The following SPOCK3 variants were observed in gnomAD, a reference collection of about 807,000 sequenced individuals.
SPOCK3 encodes testican-3.
SPOCK3 carries 30 observed loss-of-function variants against 56.6 expected under a neutral mutation model. The ratio of observed to expected loss-of-function variants is 0.53; its 90% CI spans 0.40 to 0.72. SPOCK3 has a LOEUF of 0.72. SPOCK3 is among the 30% of genes least tolerant of loss of function. SPOCK3 has a pLI of 0.00. For synonymous variants in SPOCK3, 196 were observed against 183.3 expected, an observed-to-expected ratio of 1.07 and a Z score of -0.56; for missense variants, 527 against 530.0, an observed-to-expected ratio of 0.99 and a Z score of 0.06.
intron 2 of SPOCK3, among the ~76,000 whole-genome samples, chr4:167,072,009 A>G (rs1299514581): frequency 6.6e-6 from 1 of 152,092 alleles, no homozygotes; most frequent in Non-Finnish European, 1.5e-5. Flanking sequence ...ATGTAAAAAC[A>G]TTTAATAAAA....
At chr4:167,110,570 G>A (rs1760815551) in intron 2 of SPOCK3, among the ~76,000 whole-genome samples, 1 of 151,948 alleles carries the variant, frequency 6.6e-6, no homozygotes, top group African/African-American at 2.4e-5. Context: ...ACAAAAAGGT[G>A]ATAGGGAAGA....
intron 6 of SPOCK3, among the ~76,000 whole-genome samples, chr4:166,846,185 G>A (rs1442822585): frequency 6.6e-6 from 1 of 151,980 alleles, no homozygotes; most frequent in Admixed American, 6.6e-5. Flanking sequence ...GTTGTTATGT[G>A]GTACCTGACT....
Position 166,750,773 on chromosome 4 carries a change from A to G in SPOCK3, c.931+3735T>C, listed in dbSNP as rs182037746. On this transcript the variant is annotated intron_variant, in intron 8 of 10. Coordinates refer to ENST00000357545, the MANE Select transcript of SPOCK3 (RefSeq NM_001040159.2). ...TGGGATAAATAAATTTAAAATACGT[A>G]TATGTTTCCAACAGTTACTACAATA... Among the ~76,000 whole-genome samples, 42 of 152,328 alleles carry G rather than the reference A, an allele frequency of 2.8e-4. No individual in the cohort carries two copies. In the East Asian group the frequency reaches 7.1e-3, roughly 26 times the overall value.
chr4:167,052,076 A>G (rs1270401482), intron 3 of SPOCK3, among the ~76,000 whole-genome samples: 2 of 152,224 alleles, frequency 1.3e-5, no homozygotes, highest in Non-Finnish European at 2.9e-5. Context: ...AATTAAAAAC[A>G]CAGACCTTTA....
intron 4 of SPOCK3, among the ~76,000 whole-genome samples, chr4:166,987,320 CAAGT>C (rs1431671737): frequency 6.6e-6 from 1 of 152,140 alleles, no homozygotes; most frequent in Non-Finnish European, 1.5e-5. Context: ...TCTTTTCACT[CAAGT>C]AATTCTTCAA....
chr4:166,970,325 G>T (rs372540004), intron 4 of SPOCK3, among the ~76,000 whole-genome samples: 2 of 152,222 alleles, frequency 1.3e-5, no homozygotes, highest in South Asian at 2.1e-4. Flanking sequence ...CTTTATTATG[G>T]AATGGCTACA....
At position 167,114,826 on chromosome 4, in the gene SPOCK3, A is replaced by G. The variant is rs1372123296; in HGVS notation, c.190-52289T>C. On this transcript the variant is annotated intron_variant, in intron 2 of 10. Coordinates refer to ENST00000357545, the MANE Select transcript of SPOCK3 (RefSeq NM_001040159.2). ...TATGTTTCCACGTTAACCATGTGCTAAAGATAGTGTCTCATTCAGAGTTGC... is the reference window on the plus strand; with the variant it reads ...TATGTTTCCACGTTAACCATGTGCTGAAGATAGTGTCTCATTCAGAGTTGC... Among the ~76,000 whole-genome samples, 4 of 152,208 alleles carry G rather than the reference A, an allele frequency of 2.6e-5. No individual in the cohort carries two copies. In the East Asian group the frequency reaches 7.7e-4, roughly 29 times the overall value.
At chr4:166,823,024 A>G (rs62353201) in intron 6 of SPOCK3, among the ~76,000 whole-genome samples, 1 of 152,050 alleles carries the variant, frequency 6.6e-6, no homozygotes, top group Non-Finnish European at 1.5e-5. Context: ...ATGTGACTGG[A>G]GTTGATATTC....
At chr4:166,972,106 T>A (rs545505573) in intron 4 of SPOCK3, among the ~76,000 whole-genome samples, 42 of 152,126 alleles carry the variant, frequency 2.8e-4, no homozygotes, top group Non-Finnish European at 3.1e-4. Flanking sequence ...TACTATAAAT[T>A]CAGCCTCTGT....
intron 2 of SPOCK3, among the ~76,000 whole-genome samples, chr4:167,100,091 TA>T (rs1158536222): frequency 3.3e-5 from 5 of 152,128 alleles, no homozygotes; most frequent in Non-Finnish European, 7.4e-5. Flanking sequence ...CTATCCTTTT[TA>T]AAAGTAATGA....
chr4:166,855,510 G>A (rs1461369235), intron 6 of SPOCK3, among the ~76,000 whole-genome samples: 1 of 150,922 alleles, frequency 6.6e-6, no homozygotes, highest in Non-Finnish European at 1.5e-5. Context: ...ATTAAATTGG[G>A]TCAGCTACTC....
intron 6 of SPOCK3, among the ~76,000 whole-genome samples, chr4:166,837,577 A>G (rs1435860305): frequency 6.6e-6 from 1 of 152,204 alleles, no homozygotes; most frequent in Non-Finnish European, 1.5e-5. Flanking sequence ...TAGAAATTGT[A>G]CTTCCCATTA....
At chr4:166,918,562 T>C (rs1340890672) in intron 4 of SPOCK3, 3 of 152,170 alleles carry the variant, frequency 2.0e-5, no homozygotes, top group East Asian at 1.9e-4. Context: ...TAAGAAATCA[T>C]TTGACATAGC....
At chr4:166,964,478 T>C (rs1473870935) in intron 4 of SPOCK3, among the ~76,000 whole-genome samples, 1 of 151,814 alleles carries the variant, frequency 6.6e-6, no homozygotes, top group Non-Finnish European at 1.5e-5. Flanking sequence ...CACAAAATAC[T>C]AATAATTTTA....
chr4:166,802,631 T>A (rs1231589509), intron 6 of SPOCK3, among the ~76,000 whole-genome samples: 2 of 152,056 alleles, frequency 1.3e-5, no homozygotes, highest in Admixed American at 1.3e-4. Context: ...AGGTCCCACC[T>A]CCTGGTACCA....
intron 7 of SPOCK3, among the ~76,000 whole-genome samples, chr4:166,767,440 T>C (rs1286980950): frequency 2.0e-5 from 3 of 152,182 alleles, no homozygotes; most frequent in Non-Finnish European, 4.4e-5. Flanking sequence ...CTTCATTTCA[T>C]TATGTACCCA....
At chr4:167,047,583 A>G (rs1753841996) in intron 3 of SPOCK3, among the ~76,000 whole-genome samples, 1 of 152,224 alleles carries the variant, frequency 6.6e-6, no homozygotes, top group Admixed American at 6.5e-5. Context: ...CTCACTTAAC[A>G]TTATTGACCT....
Position 166,933,090 on chromosome 4 carries a change from CATAA to C in SPOCK3, c.351-20351_351-20348del, listed in dbSNP as rs563286015. ...TTGCCAAATTTACTCAAACTTCAAA[CATAA>C]ATAAATTTCATTAATACAATATTAA... On this transcript the variant is annotated intron_variant, in intron 4 of 10. Transcript: ENST00000357545. Among the ~76,000 whole-genome samples the C allele has an allele frequency of 1.7e-3, 251 of 152,108 alleles. 3 individuals carry two copies. The highest frequency in any genetic ancestry group is 0.011 in the South Asian group (52 of 4,820).
intron 4 of SPOCK3, among the ~76,000 whole-genome samples, chr4:166,983,414 T>C (rs1014901901): frequency 6.6e-5 from 10 of 152,132 alleles, no homozygotes; most frequent in African/African-American, 1.7e-4. Flanking sequence ...TTCTATGTAT[T>C]AGTGATAACA....
Sources: allele counts gnomAD v4.1 joint callset (sites outside exome capture counted in the v4.1 genomes callset), GRCh38; gene constraint gnomAD v4.1.1; transcripts MANE v1.5; gene names NCBI Gene and HGNC (gene_info 2026-07-23, HGNC 2026-07-21).